The following ZCCHC7 variants were observed in gnomAD, a reference collection of about 807,000 sequenced individuals.
ZCCHC7 encodes zinc finger CCHC domain-containing protein 7.
ZCCHC7 carries 35 observed loss-of-function variants against 52.0 expected under a neutral mutation model. The ratio of observed to expected loss-of-function variants is 0.67; its 90% CI spans 0.51 to 0.89. ZCCHC7 has a LOEUF of 0.89. ZCCHC7 is among the 40% of genes least tolerant of loss of function. ZCCHC7 has a pLI of 0.00. For missense variants in ZCCHC7, 574 were observed against 649.1 expected, an observed-to-expected ratio of 0.88 and a Z score of 1.26; for synonymous variants, 217 against 221.5, an observed-to-expected ratio of 0.98 and a Z score of 0.18.
chr9:37,126,105 T>C (rs1227038493), intron 1 of ZCCHC7, among the ~76,000 whole-genome samples: 1 of 152,212 alleles, frequency 6.6e-6, no homozygotes, highest in Non-Finnish European at 1.5e-5. Flanking sequence ...AATTTGTCAG[T>C]AGTAATTCTC....
intron 5 of ZCCHC7, among the ~76,000 whole-genome samples, chr9:37,321,255 TGG>T (rs1830042647): frequency 1.3e-5 from 2 of 152,248 alleles, no homozygotes; most frequent in African/African-American, 4.8e-5. Flanking sequence ...CCCAAAGTGC[TGG>T]GATTACAGGC....
intron 2 of ZCCHC7, among the ~76,000 whole-genome samples, chr9:37,142,235 A>T: frequency 6.6e-6 from 1 of 151,784 alleles, no homozygotes; most frequent in East Asian, 1.9e-4. Flanking sequence ...AAAACCTTGT[A>T]ATGTTGATAC....
At chr9:37,298,609 T>G (rs2133678243) in intron 2 of ZCCHC7, among the ~76,000 whole-genome samples, 1 of 152,296 alleles carries the variant, frequency 6.6e-6, no homozygotes, top group South Asian at 2.1e-4. Context: ...GGCAAATCAG[T>G]GGTTGCCTCA....
chr9:37,313,915 G>T (rs536688058), intron 5 of ZCCHC7, among the ~76,000 whole-genome samples: 1 of 152,092 alleles, frequency 6.6e-6, no homozygotes, highest in Non-Finnish European at 1.5e-5. Flanking sequence ...ATGTCAAAAT[G>T]GACTAATACA....
chr9:37,177,170 T>C (rs1222230741), intron 2 of ZCCHC7, among the ~76,000 whole-genome samples: 1 of 152,054 alleles, frequency 6.6e-6, no homozygotes, highest in Non-Finnish European at 1.5e-5. Flanking sequence ...TGAAACCCCG[T>C]CTCTACTGAA....
chr9:37,225,498 A>G (rs377481662), intron 2 of ZCCHC7, among the ~76,000 whole-genome samples: 2 of 152,194 alleles, frequency 1.3e-5, no homozygotes. Flanking sequence ...CCAGAAAGCT[A>G]CAGATCTAGA....
At chr9:37,176,362 C>T (rs1320700080) in intron 2 of ZCCHC7, among the ~76,000 whole-genome samples, 1 of 152,154 alleles carries the variant, frequency 6.6e-6, no homozygotes, top group African/African-American at 2.4e-5. Flanking sequence ...CGTGAGCCAC[C>T]GCGCCCAGTC....
chr9:37,192,449 G>T (rs1471786125), intron 2 of ZCCHC7, among the ~76,000 whole-genome samples: 1 of 152,078 alleles, frequency 6.6e-6, no homozygotes, highest in Non-Finnish European at 1.5e-5. Flanking sequence ...GTGTATTACA[G>T]GAGATTTTTG....
intron 2 of ZCCHC7, among the ~76,000 whole-genome samples, chr9:37,301,740 A>T (rs759803286): frequency 6.6e-6 from 1 of 152,214 alleles, no homozygotes; most frequent in African/African-American, 2.4e-5. Flanking sequence ...CCTCCTGTGG[A>T]TCCTCCTGGA....
intron 2 of ZCCHC7, among the ~76,000 whole-genome samples, chr9:37,172,245 A>G (rs775649565): frequency 2.6e-5 from 4 of 152,208 alleles, no homozygotes; most frequent in Non-Finnish European, 4.4e-5. Context: ...AGCTAGGAAA[A>G]TCTGTTAAAA....
At chr9:37,134,066 C>T (rs991673976) in intron 2 of ZCCHC7, among the ~76,000 whole-genome samples, 1 of 152,046 alleles carries the variant, frequency 6.6e-6, no homozygotes, top group South Asian at 2.1e-4. Context: ...AATCATATTA[C>T]CATAGGTAAA....
At chr9:37,292,723 A>G (rs560119721) in intron 2 of ZCCHC7, among the ~76,000 whole-genome samples, 170 of 152,296 alleles carry the variant, frequency 1.1e-3, no homozygotes, top group African/African-American at 3.9e-3. Flanking sequence ...TAAGGAGGAG[A>G]GAACTGGTAT....
At chr9:37,185,795 A>G (rs1822620172) in intron 2 of ZCCHC7, among the ~76,000 whole-genome samples, 1 of 152,182 alleles carries the variant, frequency 6.6e-6, no homozygotes, top group South Asian at 2.1e-4. Context: ...ATCCTTAATT[A>G]TATCTAGAGG....
At chr9:37,221,041 G>T (rs1295606152) in intron 2 of ZCCHC7, among the ~76,000 whole-genome samples, 3 of 152,180 alleles carry the variant, frequency 2.0e-5, no homozygotes, top group Non-Finnish European at 4.4e-5. Context: ...CAAACGCGGC[G>T]TTGCCTTAAT....
At chr9:37,144,403 C>T (rs1204480648) in intron 2 of ZCCHC7, among the ~76,000 whole-genome samples, 3 of 151,862 alleles carry the variant, frequency 2.0e-5, no homozygotes, top group African/African-American at 7.2e-5. Context: ...ATCATCCTAA[C>T]ATCATATGTT....
At chr9:37,162,750 T>C (rs751567767) in intron 2 of ZCCHC7, among the ~76,000 whole-genome samples, 3 of 152,230 alleles carry the variant, frequency 2.0e-5, no homozygotes, top group Admixed American at 6.5e-5. Flanking sequence ...TGAATTGTAA[T>C]GGATATGTGT....
At chr9:37,233,078 T>C (rs1016445512) in intron 2 of ZCCHC7, among the ~76,000 whole-genome samples, 1 of 152,210 alleles carries the variant, frequency 6.6e-6, no homozygotes, top group Admixed American at 6.5e-5. Context: ...AGGTAAGGTA[T>C]CCCAAGGAAA....
intron 2 of ZCCHC7, among the ~76,000 whole-genome samples, chr9:37,226,561 A>T (rs1016347822): frequency 6.6e-6 from 1 of 152,240 alleles, no homozygotes; most frequent in Non-Finnish European, 1.5e-5. Context: ...AGATTTACAT[A>T]AAGATACCAA....
intron 2 of ZCCHC7, among the ~76,000 whole-genome samples, chr9:37,174,445 A>G (rs1821906792): frequency 6.6e-6 from 1 of 152,206 alleles, no homozygotes; most frequent in Non-Finnish European, 1.5e-5. Flanking sequence ...AAATGGAGTA[A>G]TTGTTGATTG....
Sources: gnomAD v4.1 joint callset for allele counts (sites outside exome capture counted in the v4.1 genomes callset) on GRCh38, gnomAD v4.1.1 for gene constraint, MANE v1.5 for transcripts, NCBI Gene and HGNC (gene_info 2026-07-23, HGNC 2026-07-21) for gene names.